Variants in XRCC4 observed in about 807,000 individuals in gnomAD.
XRCC4 encodes DNA repair protein XRCC4.
A neutral mutation model predicts 39.1 loss-of-function variants in XRCC4; 28 were observed. That is an observed-to-expected ratio of 0.72 (90% CI 0.53 to 0.98). The LOEUF is 0.98. XRCC4 is among the 50% of genes least tolerant of loss of function. XRCC4 has a pLI of 0.00. For missense variants in XRCC4, 350 were observed against 376.4 expected, an observed-to-expected ratio of 0.93 and a Z score of 0.58; for synonymous variants, 123 against 126.4, an observed-to-expected ratio of 0.97 and a Z score of 0.18.
intron 3 of XRCC4, among the ~76,000 whole-genome samples, chr5:83,190,686 A>T (rs1408892966): frequency 1.3e-5 from 2 of 152,216 alleles, no homozygotes; most frequent in African/African-American, 4.8e-5. Context: ...AATGGCCACA[A>T]ATAACTCTCT....
At chr5:83,237,617 G>A (rs1464746758) in intron 6 of XRCC4, among the ~76,000 whole-genome samples, 1 of 151,952 alleles carries the variant, frequency 6.6e-6, no homozygotes, top group Non-Finnish European at 1.5e-5. Context: ...TAGGGTTAAG[G>A]GGTTCAAAAA....
intron 3 of XRCC4, among the ~76,000 whole-genome samples, chr5:83,185,422 T>TTATATATA (rs67640834): frequency 2.9e-4 from 43 of 146,154 alleles, no homozygotes; most frequent in African/African-American, 1.1e-3. Context: ...AAAGTATGTA[T>TTATATATA]TATATATATA....
the XRCC4 span, among the ~76,000 whole-genome samples, chr5:83,369,618 T>A: frequency 6.6e-6 from 1 of 152,232 alleles, no homozygotes; most frequent in Non-Finnish European, 1.5e-5. Flanking sequence ...CCACGGTGTA[T>A]ATGTACCACA....
chr5:83,184,484 A>G (rs982636641), intron 3 of XRCC4, among the ~76,000 whole-genome samples: 2 of 152,104 alleles, frequency 1.3e-5, no homozygotes, highest in African/African-American at 2.4e-5. Flanking sequence ...AGAATTTTAT[A>G]GTTAGGAAAA....
At chr5:83,292,792 A>G (rs1296347958) in intron 7 of XRCC4, among the ~76,000 whole-genome samples, 1 of 151,796 alleles carries the variant, frequency 6.6e-6, no homozygotes, top group Non-Finnish European at 1.5e-5. Context: ...GATTTTTTAT[A>G]AATTCATAAT....
chr5:83,242,155 A>G lies in XRCC4; in HGVS notation c.746-16375A>G, dbSNP rs1752937758. ...TCCATGTTGCCCAAGGGTCACTCGT[A>G]TACACATTGTGTGTGTGTGTGTGTG... On this transcript the variant is annotated intron_variant, in intron 6 of 7. Transcript: ENST00000396027. 4.5e-5 allele frequency among the ~76,000 whole-genome samples: 6 copies of G among 134,140 alleles called. No homozygotes were observed. The South Asian group carries it at 1.5e-3, about 34-fold the overall frequency. 88.0% of individuals were successfully genotyped at this position (134,140 alleles called of 152,430 possible).
At chr5:83,370,222 G>A in the XRCC4 span, among the ~76,000 whole-genome samples, 1 of 152,132 alleles carries the variant, frequency 6.6e-6, no homozygotes, top group Non-Finnish European at 1.5e-5. Flanking sequence ...ACTAGACAAT[G>A]TAGTCACAAG....
chr5:83,132,044 C>T (rs1039724938), intron 3 of XRCC4, among the ~76,000 whole-genome samples: 1 of 152,074 alleles, frequency 6.6e-6, no homozygotes, highest in Non-Finnish European at 1.5e-5. Context: ...ACGTTTGGGG[C>T]TTCCTTCAGG....
chr5:83,176,855 C>G (rs977627489), intron 3 of XRCC4, among the ~76,000 whole-genome samples: 2 of 152,090 alleles, frequency 1.3e-5, no homozygotes, highest in Non-Finnish European at 2.9e-5. Flanking sequence ...CTTCTGAGCT[C>G]AAAACATCTG....
chr5:83,267,469 T>C (rs1305016858), intron 7 of XRCC4, among the ~76,000 whole-genome samples: 1 of 152,096 alleles, frequency 6.6e-6, no homozygotes, highest in Non-Finnish European at 1.5e-5. Flanking sequence ...GACAAAGCCA[T>C]TGCTAATGAG....
chr5:83,264,096 G>A (rs558997918), intron 7 of XRCC4, among the ~76,000 whole-genome samples: 3 of 152,230 alleles, frequency 2.0e-5, no homozygotes, highest in Non-Finnish European at 4.4e-5. Flanking sequence ...GTTTGTATAA[G>A]GTATTGTCTT....
chr5:83,242,070 C>G (rs1421363977), intron 6 of XRCC4, among the ~76,000 whole-genome samples: 1 of 99,588 alleles, frequency 1.0e-5, no homozygotes, highest in Non-Finnish European at 2.1e-5. Context: ...CAGGCAAATT[C>G]AGTGTAACTT....
At chr5:83,207,768 G>C (rs1368898016) in intron 6 of XRCC4, among the ~76,000 whole-genome samples, 1 of 152,006 alleles carries the variant, frequency 6.6e-6, no homozygotes, top group Non-Finnish European at 1.5e-5. Flanking sequence ...GTCCATGAGA[G>C]ATAATTCTGT....
chr5:83,139,207 T>C (rs1748045145), intron 3 of XRCC4, among the ~76,000 whole-genome samples: 1 of 152,152 alleles, frequency 6.6e-6, no homozygotes, highest in South Asian at 2.1e-4. Flanking sequence ...TTTCATGACA[T>C]TGACTATTTT....
At chr5:83,303,869 G>GC (rs1443387431) in intron 7 of XRCC4, among the ~76,000 whole-genome samples, 1 of 152,134 alleles carries the variant, frequency 6.6e-6, no homozygotes, top group African/African-American at 2.4e-5. Context: ...ATTTGTAGAT[G>GC]CATGGCAAAT....
chr5:83,299,627 A>G (rs1321374140), intron 7 of XRCC4, among the ~76,000 whole-genome samples: 1 of 152,036 alleles, frequency 6.6e-6, no homozygotes, highest in Non-Finnish European at 1.5e-5. Flanking sequence ...TAATTCTTCT[A>G]GCCTTTCTTT....
At chr5:83,205,904 T>C (rs901151079) in intron 6 of XRCC4, among the ~76,000 whole-genome samples, 1 of 151,856 alleles carries the variant, frequency 6.6e-6, no homozygotes, top group African/African-American at 2.4e-5. Flanking sequence ...GGGAAGACCA[T>C]GCCAAACAGA....
intron 3 of XRCC4, among the ~76,000 whole-genome samples, chr5:83,147,960 G>A (rs1330364500): frequency 6.6e-6 from 1 of 151,766 alleles, no homozygotes; most frequent in African/African-American, 2.4e-5. Context: ...GCTAATTTTT[G>A]TATTATTAAT....
At chr5:83,216,242 T>C (rs543260639) in intron 6 of XRCC4, among the ~76,000 whole-genome samples, 2 of 152,286 alleles carry the variant, frequency 1.3e-5, no homozygotes, top group East Asian at 1.9e-4. Context: ...CATTAGATAA[T>C]ACAAATTACA....
Sources: gnomAD v4.1 joint callset for allele counts (sites outside exome capture counted in the v4.1 genomes callset) on GRCh38, gnomAD v4.1.1 for gene constraint, MANE v1.5 for transcripts, NCBI Gene and HGNC (gene_info 2026-07-23, HGNC 2026-07-21) for gene names.